The following GPM6B variants were observed in gnomAD, a reference collection of about 807,000 sequenced individuals.
The protein encoded by GPM6B is neuronal membrane glycoprotein M6-b.
GPM6B carries 4 observed loss-of-function variants against 27.2 expected under a neutral mutation model. The ratio of observed to expected loss-of-function variants is 0.15; its 90% CI spans 0.07 to 0.34. The LOEUF is 0.34. GPM6B is among the 10% of genes least tolerant of loss of function. The pLI is 1.00. For synonymous variants in GPM6B, 124 were observed against 103.1 expected, an observed-to-expected ratio of 1.20 and a Z score of -1.23; for missense variants, 183 against 261.9, an observed-to-expected ratio of 0.70 and a Z score of 2.08.
chrX:13,799,906 T>C lies in GPM6B; in HGVS notation c.181+7744A>G, dbSNP rs145257596. Among the ~76,000 whole-genome samples the C allele has an allele frequency of 9.5e-3, 1,059 of 111,716 alleles. 17 individuals are homozygous for C. The highest frequency in any genetic ancestry group is 0.033 in the African/African-American group (1,002 of 30,719). On this transcript the variant is annotated intron_variant, in intron 2 of 7. Coordinates refer to ENST00000316715, the MANE Select transcript of GPM6B (RefSeq NM_001001995.3). ...GTTTATACAGACTGTGGCAGGCAGC[T>C]AAGACACCACCCCCAATGATCCCCA... is the stretch of plus-strand genomic sequence containing the variant.
intron 1 of GPM6B, among the ~76,000 whole-genome samples, chrX:13,832,612 C>T (rs1389198257): frequency 1.8e-5 from 2 of 111,472 alleles, no homozygotes; most frequent in Non-Finnish European, 3.8e-5. Flanking sequence ...ATAATTCACA[C>T]TAAGACAAGG....
chrX:13,798,049 C>T (rs1158591307), intron 2 of GPM6B, among the ~76,000 whole-genome samples: 1 of 110,323 alleles, frequency 9.1e-6, no homozygotes, highest in Non-Finnish European at 1.9e-5. Context: ...GCTCATGGTG[C>T]TGCTTTCATG....
chrX:13,864,808 T>C (rs2049891140), intron 1 of GPM6B, among the ~76,000 whole-genome samples: 1 of 111,540 alleles, frequency 9.0e-6, no homozygotes, highest in African/African-American at 3.3e-5. Context: ...TATAGTAAAG[T>C]ACAGGTCCCC....
chrX:13,834,944 T>C (rs2049479404), intron 1 of GPM6B, among the ~76,000 whole-genome samples: 1 of 112,434 alleles, frequency 8.9e-6, no homozygotes, highest in Admixed American at 9.4e-5. Flanking sequence ...TTGTGTCAGG[T>C]ACTGTGGATA....
rs1249516430 is a variant in GPM6B, at chrX:13,926,109, G to A, written c.-198+12218C>T. On this transcript the variant is annotated intron_variant, in intron 1 of 6. Coordinates refer to the GPM6B transcript ENST00000398361. ...TGCAACCCCACTCAAAATCCTGACA[G>A]GTATGTTTGTGGAGCATAAAACGCT... 1.8e-4 allele frequency among the ~76,000 whole-genome samples: 19 copies of A among 104,393 alleles called. 1 individual carries two copies. In the Admixed American group the frequency reaches 2.0e-3, roughly 11 times the overall value. 90.7% of individuals were successfully genotyped at this position (104,393 alleles called of 115,157 possible).
intron 1 of GPM6B, among the ~76,000 whole-genome samples, chrX:13,897,575 C>T (rs1409891602): frequency 1.8e-5 from 2 of 112,042 alleles, no homozygotes; most frequent in African/African-American, 3.2e-5. Context: ...CCTAGATCTA[C>T]GCATCAATCT....
intron 1 of GPM6B, among the ~76,000 whole-genome samples, chrX:13,829,859 A>ATTTTT (rs34742721): frequency 1.1e-5 from 1 of 88,477 alleles, no homozygotes; most frequent in Non-Finnish European, 2.2e-5. Flanking sequence ...TCTGTCCTGA[A>ATTTTT]TTTTTTTTTT....
chrX:13,777,528 A>G (rs1602969482), intron 5 of GPM6B, 103 bp from the exon 6 acceptor site: 4 of 529,597 alleles, frequency 7.6e-6, no homozygotes, highest in Non-Finnish European at 1.0e-5. Flanking sequence ...ATTGTAGGCT[A>G]TGTTCTTCAT....
At chrX:13,781,210 C>A (rs774731239) in intron 4 of GPM6B, among the ~76,000 whole-genome samples, 2 of 111,115 alleles carry the variant, frequency 1.8e-5, no homozygotes, top group East Asian at 5.7e-4. Flanking sequence ...TCCCAGAGGT[C>A]CCCGCTGCGA....
intron 2 of GPM6B, among the ~76,000 whole-genome samples, chrX:13,792,574 C>G (rs1246170862): frequency 9.0e-6 from 1 of 111,648 alleles, no homozygotes; most frequent in Admixed American, 9.5e-5. Flanking sequence ...AAAGAATGGT[C>G]ACACCCAAAA....
intron 1 of GPM6B, among the ~76,000 whole-genome samples, chrX:13,827,276 T>C (rs1311684191): frequency 1.0e-5 from 1 of 99,651 alleles, no homozygotes; most frequent in African/African-American, 3.6e-5. Context: ...ACTTCCTTTT[T>C]TTTTTTTTTT....
intron 2 of GPM6B, among the ~76,000 whole-genome samples, chrX:13,806,400 T>C (rs1199257942): frequency 8.9e-6 from 1 of 112,066 alleles, no homozygotes; most frequent in Non-Finnish European, 1.9e-5. Context: ...TCACGTCTAA[T>C]GACTTTTTTT....
At chrX:13,838,133 G>GAA (rs59126207) in intron 1 of GPM6B, among the ~76,000 whole-genome samples, 24 of 89,382 alleles carry the variant, frequency 2.7e-4, no homozygotes, top group African/African-American at 8.2e-4. Context: ...GGAAAAAAAA[G>GAA]AAAAAAAAAA....
intron 1 of GPM6B, among the ~76,000 whole-genome samples, chrX:13,809,975 G>A (rs1235286643): frequency 7.5e-5 from 8 of 106,086 alleles, no homozygotes; most frequent in Admixed American, 1.0e-4. Flanking sequence ...AAAATTAGCC[G>A]GGCATGGTGG....
At chrX:13,832,158 T>G (rs1220365598) in intron 1 of GPM6B, among the ~76,000 whole-genome samples, 1 of 111,585 alleles carries the variant, frequency 9.0e-6, no homozygotes, top group Non-Finnish European at 1.9e-5. Context: ...TGGATTCAGG[T>G]GATCTGAGTG....
At chrX:13,839,996 C>G (rs772024826) in intron 1 of GPM6B, among the ~76,000 whole-genome samples, 1 of 111,309 alleles carries the variant, frequency 9.0e-6, no homozygotes, top group South Asian at 3.8e-4. Context: ...ATTAGTAGAA[C>G]AGAATAGAAC....
intron 2 of GPM6B, among the ~76,000 whole-genome samples, chrX:13,803,854 A>G (rs1603023157): frequency 8.9e-6 from 1 of 111,745 alleles, no homozygotes; most frequent in East Asian, 2.8e-4. Context: ...TGTTTTTCAA[A>G]CCAGCCAGGA....
At chrX:13,881,165 CAGCAACTGAAACA>C (rs2050093264) in intron 1 of GPM6B, among the ~76,000 whole-genome samples, 2 of 112,060 alleles carry the variant, frequency 1.8e-5, no homozygotes, top group South Asian at 3.7e-4. Context: ...ACTATAGGCC[CAGCAACTGAAACA>C]GGCAACTGAA....
chrX:13,807,683 G>A lies in GPM6B; in HGVS notation c.148C>T (p.Leu50=). ...KNHQYHPVPT[L]GDRASPLSSP... ...CTCAAGGGGCTAGCCCTGTCCCCCA[G>A]GGTTGGCACGGGATGGTACTGGTGG... Residue 50 remains leucine (L), a synonymous_variant, in exon 2 of 8, where the codon CTG becomes TTG. Transcript: ENST00000316715. 8.3e-7 allele frequency: 1 copy of A among 1,204,338 alleles called. No homozygotes were observed. The highest frequency in any genetic ancestry group is 1.1e-6 in the Non-Finnish European group (1 of 889,696).
Sources: gnomAD v4.1 joint callset for allele counts (sites outside exome capture counted in the v4.1 genomes callset) on GRCh38, gnomAD v4.1.1 for gene constraint, MANE v1.5 for transcripts, NCBI Gene and HGNC (gene_info 2026-07-23, HGNC 2026-07-21) for gene names.